Variants in IL16 observed in about 807,000 individuals in gnomAD.
IL16 encodes the protein interleukin 16, also known as pro-interleukin-16.
IL16 carries 67 observed loss-of-function variants against 110.1 expected under a neutral mutation model. The observed-to-expected ratio is 0.61, with a 90% CI of 0.50 to 0.75. The LOEUF (loss-of-function observed/expected upper bound fraction) is 0.75. Ranked by LOEUF, IL16 falls within the 30% of genes least tolerant of loss-of-function variation. The probability of loss-of-function intolerance (pLI) is 0.00; values close to 1 mark genes in which losing one functional copy is unlikely to be tolerated. For synonymous variants in IL16, 689 were observed against 662.9 expected, an observed-to-expected ratio of 1.04 and a Z score of -0.61; for missense variants, 1,545 against 1,655.0, an observed-to-expected ratio of 0.93 and a Z score of 1.15.
At chr15:81,259,131 C>T (rs1015788115) in intron 2 of IL16, among the ~76,000 whole-genome samples, 7 of 152,082 alleles carry the variant, frequency 4.6e-5, no homozygotes, top group African/African-American at 1.7e-4. Context: ...TAAATATTTG[C>T]ATATAGTAAT....
chr15:81,300,571 T>C (rs1900232192), intron 14 of IL16, 96 bp downstream of exon 14: 5 of 743,566 alleles, frequency 6.7e-6, no homozygotes, highest in Non-Finnish European at 1.0e-5. Flanking sequence ...TTTAAAAAAT[T>C]CCCAGATATA....
chr15:81,246,246 C>T (rs900179539), intron 2 of IL16, among the ~76,000 whole-genome samples: 1 of 151,654 alleles, frequency 6.6e-6, no homozygotes, highest in African/African-American at 2.4e-5. Context: ...TATGCAGGGT[C>T]GTGGAACCAC....
rs559161239 is a variant in IL16, at chr15:81,303,945, C to G, written c.3420+295C>G. 1.3e-5 allele frequency among the ~76,000 whole-genome samples: 2 copies of G among 152,370 alleles called. No homozygotes were observed. The highest frequency in any genetic ancestry group is 3.9e-4 in the East Asian group (2 of 5,188). ...TACCTGACCCAGATGGTTTCTGGTT[C>G]TGCCAGTTTTGTGGAGCCATGCTGC... On this transcript the variant is annotated intron_variant, in intron 16 of 18. Coordinates refer to ENST00000683961, the MANE Select transcript of IL16 (RefSeq NM_172217.5). The surrounding 1 kb of genome is among the most constrained non-coding windows in gnomAD (Gnocchi z 4.1).
chr15:81,183,612 A>T (rs1330776866), intron 1 of IL16, among the ~76,000 whole-genome samples: 1 of 152,366 alleles, frequency 6.6e-6, no homozygotes, highest in East Asian at 1.9e-4. Flanking sequence ...TTCCTTAAAA[A>T]GGAGAAGTAA....
At position 81,197,064 on chromosome 15, in the gene IL16, T is replaced by TGCTGCAA. The variant is rs1209237587; in HGVS notation, c.-189_-183dup. 2.7e-5 allele frequency: 35 copies of TGCTGCAA among 1,288,686 alleles called. No individual in the cohort carries two copies. Among genetic ancestry groups the TGCTGCAA allele is most frequent in the Non-Finnish European group, 2.9e-5 (29 of 988,542 alleles). The allele number at this position is 1,288,686 out of a possible 1,614,324, so 79.8% of individuals were successfully genotyped here. A position where few individuals can be genotyped will look rare whatever the true frequency, so the allele number is the denominator to read the frequency against. ...CCACAGGCTGTCCGGGAATAAGTGGTGCTGCAATCCCTGCTGGGCAGATGG... is the reference window on the plus strand; with the variant it reads ...CCACAGGCTGTCCGGGAATAAGTGGTGCTGCAAGCTGCAATCCCTGCTGGGCAGATGG... On this transcript the variant is annotated 5_prime_UTR_variant, in exon 1 of 19. Coordinates refer to ENST00000683961, the MANE Select transcript of IL16 (RefSeq NM_172217.5).
chr15:81,295,636 T>C, intron 12 of IL16: 1 of 492,812 alleles, frequency 2.0e-6, no homozygotes, highest in South Asian at 1.8e-5. Flanking sequence ...TTTTAAGGGC[T>C]AGTTCGAGAA....
At chr15:81,254,837 G>A (rs1020759765) in intron 2 of IL16, among the ~76,000 whole-genome samples, 1 of 152,210 alleles carries the variant, frequency 6.6e-6, no homozygotes, top group African/African-American at 2.4e-5. Context: ...GCCAGAGAGA[G>A]ACCAGATGCT....
intron 4 of IL16, among the ~76,000 whole-genome samples, chr15:81,269,111 C>T (rs1022621591): frequency 4.6e-5 from 7 of 152,246 alleles, no homozygotes; most frequent in African/African-American, 1.4e-4. Flanking sequence ...GCCCCCTTGC[C>T]CACCACCTCC....
intron 2 of IL16, among the ~76,000 whole-genome samples, chr15:81,231,685 A>G (rs1391327269): frequency 1.3e-5 from 2 of 152,346 alleles, no homozygotes; most frequent in South Asian, 2.1e-4. Flanking sequence ...CCCAAAGGTC[A>G]TAAAGATATT....
chr15:81,220,858 G>A (rs2142021642), intron 1 of IL16, among the ~76,000 whole-genome samples: 1 of 151,880 alleles, frequency 6.6e-6, no homozygotes, highest in Middle Eastern at 3.4e-3. Context: ...CAGACTAACA[G>A]ATCCTGCTTC....
At chr15:81,292,324 C>A in intron 11 of IL16, 1 of 602,668 alleles carries the variant, frequency 1.7e-6, no homozygotes, top group Non-Finnish European at 3.0e-6. Context: ...GGCATATCTC[C>A]ATATACATCA....
At chr15:81,271,273 T>A (rs1473342134) in intron 5 of IL16, among the ~76,000 whole-genome samples, 1 of 147,230 alleles carries the variant, frequency 6.8e-6, no homozygotes, top group African/African-American at 2.6e-5. Context: ...TAAAATAAAA[T>A]AAATTAAATA....
chr15:81,218,585 T>G (rs1896512182), intron 1 of IL16, among the ~76,000 whole-genome samples: 1 of 152,178 alleles, frequency 6.6e-6, no homozygotes, highest in Non-Finnish European at 1.5e-5. Context: ...TGAGACGTGA[T>G]TGTTGTAAAA....
At chr15:81,202,880 G>A (rs1234872614) in intron 1 of IL16, among the ~76,000 whole-genome samples, 1 of 152,120 alleles carries the variant, frequency 6.6e-6, no homozygotes, top group Non-Finnish European at 1.5e-5. Context: ...CCTAGTTCTA[G>A]ATCCCTGAGG....
At chr15:81,290,046 G>C (rs767882941) in intron 10 of IL16, 7 of 351,518 alleles carry the variant, frequency 2.0e-5, no homozygotes, top group East Asian at 7.4e-5. Context: ...ATAATAAACT[G>C]TGAGTCACAG....
chr15:81,246,043 A>G (rs1897534899), intron 2 of IL16, among the ~76,000 whole-genome samples: 1 of 152,100 alleles, frequency 6.6e-6, no homozygotes, highest in Admixed American at 6.5e-5. Flanking sequence ...GCTCTTTGCA[A>G]ATCTTTTATC....
At chr15:81,236,428 C>T (rs984295469) in intron 2 of IL16, among the ~76,000 whole-genome samples, 1 of 152,160 alleles carries the variant, frequency 6.6e-6, no homozygotes, top group Non-Finnish European at 1.5e-5. Flanking sequence ...GGAGGATGAG[C>T]AGGGAGGCAA....
At chr15:81,272,366 C>G (rs1898679812) in intron 5 of IL16, among the ~76,000 whole-genome samples, 1 of 152,220 alleles carries the variant, frequency 6.6e-6, no homozygotes, top group Non-Finnish European at 1.5e-5. Context: ...AGACCTCACT[C>G]AACCTTTCCC....
chr15:81,293,596 G>C (rs1269125335), intron 12 of IL16, among the ~76,000 whole-genome samples: 1 of 152,160 alleles, frequency 6.6e-6, no homozygotes, highest in African/African-American at 2.4e-5. Context: ...AGCTACGCAG[G>C]AGGCTGAGGC....
Sources: gnomAD v4.1 joint callset for allele counts (sites outside exome capture counted in the v4.1 genomes callset) on GRCh38, gnomAD v4.1.1 for gene constraint, Gnocchi (gnomAD v3.1) non-coding constraint, MANE v1.5 for transcripts, NCBI Gene and HGNC (gene_info 2026-07-23, HGNC 2026-07-21) for gene names.